The following DLGAP2 variants were observed in gnomAD, a reference collection of about 807,000 sequenced individuals.
DLGAP2 encodes DLG associated protein 2.
Under a neutral mutation model 100.3 loss-of-function variants are expected in DLGAP2, and 26 were observed. The observed-to-expected ratio is 0.26, with a 90% CI of 0.19 to 0.36. The LOEUF (loss-of-function observed/expected upper bound fraction) is 0.36, where lower values mean the gene tolerates loss of function less well. Ranked by LOEUF, DLGAP2 falls within the 10% of genes least tolerant of loss-of-function variation. DLGAP2 has a pLI of 1.00. For synonymous variants in DLGAP2, 886 were observed against 630.1 expected (o/e 1.41, Z -6.08); for missense variants, 1,858 against 1,453.2 (o/e 1.28, Z -4.53).
chr8:1,665,149 A>G (rs1798511863), intron 8 of DLGAP2, among the ~76,000 whole-genome samples: 2 of 152,300 alleles, frequency 1.3e-5, no homozygotes, highest in South Asian at 4.1e-4. Context: ...AAGCTGCCCC[A>G]TACATTTTTT....
intron 8 of DLGAP2, among the ~76,000 whole-genome samples, chr8:1,637,781 A>G (rs1797803043): frequency 1.3e-5 from 2 of 152,234 alleles, no homozygotes; most frequent in Non-Finnish European, 2.9e-5. Context: ...TAAAGTCTGG[A>G]AACAGTTGCA....
At chr8:1,099,328 G>T (rs745918534) in intron 2 of DLGAP2, among the ~76,000 whole-genome samples, 1 of 152,220 alleles carries the variant, frequency 6.6e-6, no homozygotes, top group East Asian at 1.9e-4. Context: ...TGTGTGTTGC[G>T]TAGAGACGTG....
At chr8:1,284,483 C>T (rs1799883433) in intron 3 of DLGAP2, among the ~76,000 whole-genome samples, 1 of 152,164 alleles carries the variant, frequency 6.6e-6, no homozygotes, top group South Asian at 2.1e-4. Flanking sequence ...TGAGGATTTG[C>T]TGCATGACAA....
At chr8:754,293 G>T (rs923134143) in intron 1 of DLGAP2, 1 of 152,138 alleles carries the variant, frequency 6.6e-6, no homozygotes, top group Non-Finnish European at 1.5e-5. Context: ...ACTGACACAC[G>T]GTTCTGTTCC....
chr8:926,945 G>A (rs540081821), intron 2 of DLGAP2: 14 of 857,214 alleles, frequency 1.6e-5, no homozygotes, highest in East Asian at 2.4e-4. Flanking sequence ...ATGCCTCTGC[G>A]CTGTGGGGGT....
intron 1 of DLGAP2, among the ~76,000 whole-genome samples, chr8:875,127 T>C (rs1330399535): frequency 6.6e-6 from 1 of 152,222 alleles, no homozygotes; most frequent in Non-Finnish European, 1.5e-5. Context: ...TCAATCTATT[T>C]GTATCTTTTA....
intron 2 of DLGAP2, among the ~76,000 whole-genome samples, chr8:1,196,235 C>A (rs1797746890): frequency 6.6e-6 from 1 of 152,204 alleles, no homozygotes. Context: ...TAGAAGTAGG[C>A]CACGTTTCAC....
intron 2 of DLGAP2, among the ~76,000 whole-genome samples, chr8:1,198,232 C>T (rs963123466): frequency 6.6e-6 from 1 of 152,150 alleles, no homozygotes; most frequent in African/African-American, 2.4e-5. Context: ...TCCTCACCCC[C>T]ATTAACAAGC....
intron 2 of DLGAP2, among the ~76,000 whole-genome samples, chr8:1,084,830 G>C (rs558175073): frequency 4.6e-5 from 7 of 152,286 alleles, no homozygotes; most frequent in Admixed American, 2.0e-4. Flanking sequence ...TGGAGCTTCA[G>C]TGACCATGGG....
At position 960,237 on chromosome 8, in the gene DLGAP2, C is replaced by CTTTTTTTTTTTTT. The variant is rs71528625; in HGVS notation, c.73+52274_73+52286dup. Among the ~76,000 whole-genome samples, 123 of 44,640 alleles carry CTTTTTTTTTTTTT rather than the reference C, an allele frequency of 2.8e-3. 24 individuals carry two copies. Among genetic ancestry groups the CTTTTTTTTTTTTT allele is most frequent in the African/African-American group, 8.8e-3 (100 of 11,366 alleles). 29.3% of individuals were successfully genotyped at this position (44,640 alleles called of 152,430 possible). ...TTGGGCAATTATTCCTGAAGTATAT[C>CTTTTTTTTTTTTT]TTTTTTTTTTTTTTTCCCGAGACAC... On this transcript the variant is annotated intron_variant, in intron 2 of 14. Coordinates refer to ENST00000637795, the MANE Select transcript of DLGAP2 (RefSeq NM_001346810.2).
At chr8:1,139,458 C>T (rs1047666226) in intron 2 of DLGAP2, among the ~76,000 whole-genome samples, 2 of 152,322 alleles carry the variant, frequency 1.3e-5, no homozygotes, top group African/African-American at 4.8e-5. Flanking sequence ...AGATAACACC[C>T]TCTCATGTGT....
intron 2 of DLGAP2, among the ~76,000 whole-genome samples, chr8:1,041,428 A>G (rs553733628): frequency 1.9e-4 from 29 of 152,192 alleles, no homozygotes; most frequent in Non-Finnish European, 3.4e-4. Flanking sequence ...AGCCTGTTTC[A>G]AAGCCCAGGT....
chr8:968,629 A>G (rs562197064), intron 2 of DLGAP2, among the ~76,000 whole-genome samples: 17 of 152,286 alleles, frequency 1.1e-4, no homozygotes, highest in African/African-American at 3.8e-4. Flanking sequence ...GGCTGGGCAG[A>G]CTTGACCACC....
At position 1,549,054 on chromosome 8, in the gene DLGAP2, C is replaced by T. The variant is rs746497288; in HGVS notation, c.601C>T (p.Pro201Ser). The stretch of plus-strand genomic sequence containing the variant: ...GCTGGACCAGTTCGAGAAGCAGCTG[C>T]CGCTGCACCGGGACGGCTTCCACAC... The part of the protein sequence containing the change: ...NLLDQFEKQL[P>S]LHRDGFHTLQ... The change falls in exon 5 of 15, where the codon CCG becomes TCG. Residue 201 changes from proline (P) to serine (S), a missense_variant. Pro to Ser is a moderately conservative substitution (Grantham distance 74, BLOSUM62 -1). Coordinates refer to ENST00000637795, the MANE Select transcript of DLGAP2 (RefSeq NM_001346810.2). The T allele has an allele frequency of 1.6e-5, 25 of 1,591,544 alleles. No individual in the cohort carries two copies. Among genetic ancestry groups the T allele is most frequent in the Non-Finnish European group, 8.5e-7 (1 of 1,173,500 alleles).
intron 12 of DLGAP2, chr8:1,688,270 A>T (rs1451567373): frequency 1.3e-5 from 2 of 152,192 alleles, no homozygotes; most frequent in African/African-American, 4.8e-5. Flanking sequence ...GGTAAATCAG[A>T]TCCAAGGAAG....
At chr8:1,172,482 C>T (rs537236918) in intron 2 of DLGAP2, among the ~76,000 whole-genome samples, 4 of 152,168 alleles carry the variant, frequency 2.6e-5, no homozygotes. Flanking sequence ...AGAGTGTTTT[C>T]CAACTTGGTT....
chr8:1,121,535 C>G (rs1481504147), intron 2 of DLGAP2, among the ~76,000 whole-genome samples: 1 of 151,848 alleles, frequency 6.6e-6, no homozygotes, highest in Non-Finnish European at 1.5e-5. Flanking sequence ...TATCCTTGTT[C>G]CTTCAGAACT....
chr8:1,088,297 G>A (rs1390305347), intron 2 of DLGAP2, among the ~76,000 whole-genome samples: 10 of 152,150 alleles, frequency 6.6e-5, no homozygotes, highest in East Asian at 1.9e-4. Flanking sequence ...TTCCATATCC[G>A]TCTGTCTGTG....
At chr8:1,282,531 A>C (rs1358071309) in intron 3 of DLGAP2, among the ~76,000 whole-genome samples, 1 of 66,402 alleles carries the variant, frequency 1.5e-5, no homozygotes, top group South Asian at 4.8e-4. Context: ...TGAACCCAGC[A>C]CCCTGAACCA....
Sources: gnomAD v4.1 joint callset for allele counts (sites outside exome capture counted in the v4.1 genomes callset) on GRCh38, gnomAD v4.1.1 for gene constraint, MANE v1.5 for transcripts, NCBI Gene and HGNC (gene_info 2026-07-23, HGNC 2026-07-21) for gene names.